Variants in DGKA observed in about 807,000 individuals in gnomAD.
DGKA encodes the protein diacylglycerol kinase alpha, also known as 80 kDa diacylglycerol kinase.
In DGKA, 35 loss-of-function variants were observed where a neutral mutation model predicts 105.0. The observed-to-expected ratio is 0.33, with a 90% CI of 0.25 to 0.44. The LOEUF (loss-of-function observed/expected upper bound fraction) is 0.44. Among genes scored for constraint, DGKA ranks in the 20% least tolerant of loss-of-function variants. The pLI is 1.00. For synonymous variants in DGKA, 296 were observed against 332.0 expected, an observed-to-expected ratio of 0.89 and a Z score of 1.18; for missense variants, 665 against 915.0, an observed-to-expected ratio of 0.73 and a Z score of 3.53.
At chr12:55,930,407 C>T (rs1177361634), upstream of DGKA, 1 of 130,546 alleles carries the variant, frequency 7.7e-6, no homozygotes, top group Non-Finnish European at 1.6e-5. Context: ...GCTCGTGTCA[C>T]CCAGGCTGGA....
intron 17 of DGKA, among the ~76,000 whole-genome samples, chr12:55,945,467 C>A (rs1435530346): frequency 1.3e-5 from 2 of 152,180 alleles, no homozygotes; most frequent in African/African-American, 4.8e-5. Context: ...TAAAGCAACA[C>A]AAATTTATTG....
chr12:55,952,496 A>C lies in DGKA; in HGVS notation c.1743+65A>C. ...TCTTAATAGCCAAGTTTCTCCCTCCATGGCACCCTTAGGAACTTCCCATAT... is the reference window on the plus strand; with the variant it reads ...TCTTAATAGCCAAGTTTCTCCCTCCCTGGCACCCTTAGGAACTTCCCATAT... On this transcript the variant is annotated intron_variant, in intron 20 of 23. Coordinates refer to ENST00000331886, the MANE Select transcript of DGKA (RefSeq NM_001345.5). The surrounding 1 kb of genome is among the most constrained non-coding windows in gnomAD (Gnocchi z 5.1). 6.6e-7 allele frequency: 1 copy of C among 1,506,800 alleles called. No individual in the cohort carries two copies. The highest frequency in any genetic ancestry group is 9.2e-7 in the Non-Finnish European group (1 of 1,082,748). 93.3% of individuals were successfully genotyped at this position (1,506,800 alleles called of 1,614,324 possible).
rs562075441 is a variant in DGKA, at chr12:55,937,888, T to A, written c.275-90T>A. The A allele has an allele frequency of 1.9e-4, 229 of 1,190,340 alleles. 1 individual carries two copies. The African/African-American group carries it at 1.9e-3, about 10-fold the overall frequency. The allele number at this position is 1,190,340 out of a possible 1,614,324, so 73.7% of individuals were successfully genotyped here. On this transcript the variant is annotated intron_variant, in intron 4 of 23. Transcript: ENST00000331886. ...CAAAAAAATCAGTAAATCTTTTTTT[T>A]AAAAAAAGGGAGAGGTGGGACAAAC...
chr12:55,952,483 A>T lies in DGKA; in HGVS notation c.1743+52A>T, dbSNP rs1565766092. ...ATCCTTTTCAGCTTCTTAATAGCCA[A>T]GTTTCTCCCTCCATGGCACCCTTAG... On this transcript the variant is annotated intron_variant, in intron 20 of 23. Coordinates refer to ENST00000331886, the MANE Select transcript of DGKA (RefSeq NM_001345.5). The surrounding 1 kb of genome is among the most constrained non-coding windows in gnomAD (Gnocchi z 5.1). 1 of 1,559,954 alleles carries T rather than the reference A, an allele frequency of 6.4e-7. No homozygotes were observed. The highest frequency in any genetic ancestry group is 1.4e-5 in the African/African-American group (1 of 73,872).
intron 14 of DGKA, 42 bp downstream of exon 14, chr12:55,941,367 G>A (rs774021168): frequency 1.6e-5 from 25 of 1,598,676 alleles, no homozygotes; most frequent in Middle Eastern, 1.7e-4. Context: ...GAGAGGCAGG[G>A]CCTGCCTGCA....
Position 55,948,507 on chromosome 12 carries a change from C to T in DGKA, c.1427-3116C>T, listed in dbSNP as rs144595584. On this transcript the variant is annotated intron_variant, in intron 17 of 23. Coordinates refer to ENST00000331886, the MANE Select transcript of DGKA (RefSeq NM_001345.5). ...CTTTGGGAGGCCAAGGCTGGAGGATCGCTTGAGCCCAGGAGATTGAGACCA... is the reference window on the plus strand; with the variant it reads ...CTTTGGGAGGCCAAGGCTGGAGGATTGCTTGAGCCCAGGAGATTGAGACCA... Among the ~76,000 whole-genome samples, 1,103 of 151,942 alleles carry T rather than the reference C, an allele frequency of 7.3e-3. 10 individuals are homozygous for T. The highest frequency in any genetic ancestry group is 0.012 in the Non-Finnish European group (803 of 67,940).
chr12:55,927,580 T>C, upstream of DGKA: 1 of 1,088,854 alleles, frequency 9.2e-7, no homozygotes, highest in Non-Finnish European at 1.3e-6. Flanking sequence ...CGCACAAGTG[T>C]TTCTAGGGAC....
chr12:55,953,205 G>T, intron 22 of DGKA, 45 bp downstream of exon 22: 1 of 1,613,488 alleles, frequency 6.2e-7, no homozygotes, highest in Non-Finnish European at 8.5e-7. Flanking sequence ...GTGTGGGGCT[G>T]GGGCAGCAGA....
rs773005260 is a variant in DGKA at position 55,937,554 on chromosome 12, G to T, written c.274+11G>T. ...CAAATGTGACAAAAGGTATGGTCAA[G>T]CAGGTAGGACTGGGCTAAGCCTCTG... On this transcript the variant is annotated intron_variant, in intron 4 of 23. Transcript: ENST00000331886. 1.9e-6 allele frequency: 3 copies of T among 1,613,654 alleles called. No homozygotes were observed. The South Asian group carries it at 3.3e-5, about 18-fold the overall frequency.
chr12:55,949,167 T>C (rs1887642840), intron 17 of DGKA, among the ~76,000 whole-genome samples: 1 of 152,016 alleles, frequency 6.6e-6, no homozygotes, highest in African/African-American at 2.4e-5. Flanking sequence ...TTTACATGCA[T>C]GCACACACAC....
At position 55,932,320 on chromosome 12, in the gene DGKA, GGTAAC is replaced by G. The variant is rs139612943; in HGVS notation, c.-82+979_-82+983del. On this transcript the variant is annotated intron_variant, in intron 1 of 23. Transcript: ENST00000331886. This position sits in a 1 kb window ranked among gnomAD's most constrained non-coding sequence, Gnocchi z 4.3. ...GGGAGGGCTGGGCCCGAACCCGGTG[GGTAAC>G]GTTTCCCAGACCTTCCCCTCCATCC... is the stretch of plus-strand genomic sequence containing the variant. 482 of 564,760 alleles carry G rather than the reference GGTAAC, an allele frequency of 8.5e-4. 3 individuals are homozygous for G. Among genetic ancestry groups the G allele is most frequent in the African/African-American group, 2.4e-3 (130 of 53,128 alleles). The allele number at this position is 564,760 out of a possible 1,614,324, so 35.0% of individuals were successfully genotyped here. A position where few individuals can be genotyped will look rare whatever the true frequency, so the allele number is the denominator to read the frequency against.
chr12:55,939,828 T>C, intron 9 of DGKA: 1 of 587,804 alleles, frequency 1.7e-6, no homozygotes. Flanking sequence ...GACCTGGGCC[T>C]CCCAAGCATT....
In DGKA at chr12:55,940,012, C is replaced by T. The variant is rs1014806010; in HGVS notation, c.710-70C>T. On this transcript the variant is annotated intron_variant, in intron 9 of 23. Transcript: ENST00000331886. This position sits in a 1 kb window ranked among gnomAD's most constrained non-coding sequence, Gnocchi z 4.3. ...AGGGATCACATATCTGATCCTGCCT[C>T]ACCCTCAGGTAAGAAGGAAATAGGG... 29 of 1,380,832 alleles carry T rather than the reference C, an allele frequency of 2.1e-5. No individual in the cohort carries two copies. The highest frequency in any genetic ancestry group is 4.3e-5 in the African/African-American group (3 of 70,182). 85.5% of individuals were successfully genotyped at this position (1,380,832 alleles called of 1,614,324 possible).
At chr12:55,938,213 T>C in intron 5 of DGKA, 161 bp downstream of exon 5, 1 of 712,480 alleles carries the variant, frequency 1.4e-6, no homozygotes, top group South Asian at 1.8e-5. Flanking sequence ...CCCAGACTAT[T>C]TATACCTAAT....
intron 9 of DGKA, 45 bp downstream of exon 9, chr12:55,939,574 C>T (rs768357788): frequency 6.3e-7 from 1 of 1,585,018 alleles, no homozygotes; most frequent in South Asian, 1.1e-5. Context: ...GTCAGCCCAG[C>T]TATCTGTGGG....
intron 17 of DGKA, among the ~76,000 whole-genome samples, chr12:55,950,744 T>G (rs1035494946): frequency 2.0e-5 from 3 of 151,818 alleles, no homozygotes; most frequent in African/African-American, 7.3e-5. Flanking sequence ...CCTGGCCTTG[T>G]TTGTTTGTTT....
intron 17 of DGKA, among the ~76,000 whole-genome samples, chr12:55,944,050 C>CTTTGGGAT (rs893956807): frequency 2.6e-5 from 4 of 152,200 alleles, no homozygotes; most frequent in African/African-American, 7.2e-5. Context: ...AATCCCAACA[C>CTTTGGGAT]TTTGGGAGGC....
intron 17 of DGKA, 183 bp downstream of exon 17, chr12:55,942,446 A>T: frequency 1.7e-6 from 1 of 598,324 alleles, no homozygotes; most frequent in South Asian, 1.9e-5. Flanking sequence ...AGGGACCACA[A>T]TCTGAACCTA....
chr12:55,953,041 C>T lies in DGKA; in HGVS notation c.1944C>T (p.Asp648=). ...CTTTACTCCCTACTTCGTCCCCAGA[C>T]CTAAGTGACAAGAGACTGGAAGTGG... ...DPDILKTCVP[D]LSDKRLEVVG... is the part of the protein sequence containing the mutation. Residue 648 remains aspartate (D), a splice_region_variant and synonymous_variant, in exon 22 of 24, where the codon GAC becomes GAT. Coordinates refer to ENST00000331886, the MANE Select transcript of DGKA (RefSeq NM_001345.5). 1 of 1,614,134 alleles carries T rather than the reference C, an allele frequency of 6.2e-7. No homozygotes were observed. The highest frequency in any genetic ancestry group is 8.5e-7 in the Non-Finnish European group (1 of 1,180,032).
Sources: allele counts gnomAD v4.1 joint callset (sites outside exome capture counted in the v4.1 genomes callset), GRCh38; gene constraint gnomAD v4.1.1; non-coding constraint Gnocchi (gnomAD v3.1); transcripts MANE v1.5; gene names NCBI Gene and HGNC (gene_info 2026-07-23, HGNC 2026-07-21).